Variants in KCNK10 observed in about 807,000 individuals in gnomAD.
The protein encoded by KCNK10 is potassium channel subfamily K member 10.
KCNK10 carries 25 observed loss-of-function variants against 47.7 expected under a neutral mutation model. That is an observed-to-expected ratio of 0.52 (90% confidence interval 0.38 to 0.73). The LOEUF is 0.73. Among genes scored for constraint, KCNK10 ranks in the 30% least tolerant of loss-of-function variants. The pLI is 0.00. For missense variants in KCNK10, 563 were observed against 714.5 expected (o/e 0.79, Z 2.42); for synonymous variants, 303 against 285.6 (o/e 1.06, Z -0.61).
chr14:88,185,467 A>G lies in KCNK10; in HGVS notation c.*68T>C, dbSNP rs1884511024. On this transcript the variant is annotated 3_prime_UTR_variant, in exon 7 of 7. Coordinates refer to ENST00000319231, the MANE Select transcript of KCNK10 (RefSeq NM_138317.3). The surrounding 1 kb of genome is among the most constrained non-coding windows in gnomAD (Gnocchi z 4.3). Reference sequence around the variant, plus strand: ...AAAGTCTGTTTAAGGCACATGTCTCAGTGTGAATATTAAAAACACACACAC... The same window carrying G: ...AAAGTCTGTTTAAGGCACATGTCTCGGTGTGAATATTAAAAACACACACAC... The G allele has an allele frequency of 6.5e-7, 1 of 1,528,266 alleles. No individual in the cohort carries two copies. 94.7% of individuals were successfully genotyped at this position (1,528,266 alleles called of 1,614,324 possible).
Position 88,276,940 on chromosome 14 carries a change from G to A in KCNK10, c.53-13389C>T, listed in dbSNP as rs78262386. The stretch of plus-strand genomic sequence containing the variant: ...AGAAATCCTACTCTGCAAGATAGAC[G>A]TGTACTTTACAAAAGGATTTTCCAT... On this transcript the variant is annotated intron_variant, in intron 1 of 6. Coordinates refer to ENST00000319231, the MANE Select transcript of KCNK10 (RefSeq NM_138317.3). Among the ~76,000 whole-genome samples, 19 of 152,354 alleles carry A rather than the reference G, an allele frequency of 1.2e-4. No homozygotes were observed. The East Asian group carries it at 2.1e-3, about 17-fold the overall frequency.
chr14:88,207,720 T>C (rs557541294), intron 4 of KCNK10, among the ~76,000 whole-genome samples: 1 of 152,194 alleles, frequency 6.6e-6, no homozygotes, highest in Non-Finnish European at 1.5e-5. Flanking sequence ...CCAGGCCATG[T>C]GCTAGCACCT....
At chr14:88,307,900 C>T (rs1888234852) in intron 1 of KCNK10, among the ~76,000 whole-genome samples, 1 of 152,204 alleles carries the variant, frequency 6.6e-6, no homozygotes, top group Non-Finnish European at 1.5e-5. Context: ...CTGTGCTCTG[C>T]TCTTCGTGTG....
intron 4 of KCNK10, among the ~76,000 whole-genome samples, chr14:88,210,091 G>A (rs1566686478): frequency 6.6e-6 from 1 of 152,168 alleles, no homozygotes; most frequent in Non-Finnish European, 1.5e-5. Flanking sequence ...GAGGCTATGT[G>A]GCAGACACTG....
chr14:88,256,072 CG>C (rs1566704411), intron 2 of KCNK10, among the ~76,000 whole-genome samples: 3 of 152,156 alleles, frequency 2.0e-5, no homozygotes, highest in Non-Finnish European at 4.4e-5. Context: ...ATTCTAGAGA[CG>C]GATGCATCTT....
chr14:88,295,454 GT>G (rs1285574383), intron 1 of KCNK10, among the ~76,000 whole-genome samples: 1 of 152,156 alleles, frequency 6.6e-6, no homozygotes, highest in Non-Finnish European at 1.5e-5. Flanking sequence ...GAGGTCAGGA[GT>G]TTGAGACCAG....
chr14:88,198,057 A>G (rs750620942), intron 4 of KCNK10, among the ~76,000 whole-genome samples: 15 of 152,206 alleles, frequency 9.9e-5, no homozygotes, highest in Non-Finnish European at 2.1e-4. Context: ...TAGGTGACCA[A>G]ATATATCACC....
At chr14:88,311,577 T>G (rs567614878) in intron 1 of KCNK10, among the ~76,000 whole-genome samples, 1 of 152,340 alleles carries the variant, frequency 6.6e-6, no homozygotes, top group South Asian at 2.1e-4. Context: ...GGAGTGTTAC[T>G]GGAAACTTTG....
upstream of KCNK10, chr14:88,326,310 T>G: frequency 1.2e-6 from 1 of 847,972 alleles, no homozygotes; most frequent in Non-Finnish European, 2.0e-6. Context: ...GGAGTGGGGA[T>G]GGAGGGAGAC....
chr14:88,217,543 A>AT (rs1464037765), intron 4 of KCNK10, among the ~76,000 whole-genome samples: 1 of 152,008 alleles, frequency 6.6e-6, no homozygotes, highest in South Asian at 2.1e-4. Context: ...AATAATTTTT[A>AT]TTTTTTTATT....
At chr14:88,306,341 T>G (rs2139794901) in intron 1 of KCNK10, among the ~76,000 whole-genome samples, 1 of 152,344 alleles carries the variant, frequency 6.6e-6, no homozygotes, top group South Asian at 2.1e-4. Flanking sequence ...GGTGTTTATA[T>G]AGGTTATTTT....
rs566631095 is a variant in KCNK10, at chr14:88,204,094, A to G, written c.682-11684T>C. Among the ~76,000 whole-genome samples, 19 of 152,302 alleles carry G rather than the reference A, an allele frequency of 1.2e-4. No individual in the cohort carries two copies. The South Asian group carries it at 3.7e-3, about 30-fold the overall frequency. ...CTCCCCTGCATTTTCCAAGGCCTCT[A>G]CAGTGACCATGTATACTCTTTGTAG... On this transcript the variant is annotated intron_variant, in intron 4 of 6. Transcript: ENST00000319231.
At chr14:88,268,636 A>C (rs1286388434) in intron 1 of KCNK10, among the ~76,000 whole-genome samples, 1 of 152,214 alleles carries the variant, frequency 6.6e-6, no homozygotes, top group Non-Finnish European at 1.5e-5. Context: ...ATAGGCATTA[A>C]AAATATTTTC....
At chr14:88,193,965 G>C (rs1429648137) in intron 4 of KCNK10, among the ~76,000 whole-genome samples, 1 of 152,110 alleles carries the variant, frequency 6.6e-6, no homozygotes, top group Non-Finnish European at 1.5e-5. Context: ...ATGGTCACCG[G>C]GTGATCTGTC....
At chr14:88,233,631 TG>T (rs1886214291) in intron 3 of KCNK10, among the ~76,000 whole-genome samples, 1 of 152,176 alleles carries the variant, frequency 6.6e-6, no homozygotes, top group Non-Finnish European at 1.5e-5. Context: ...AAGATTCCGG[TG>T]TAAGCACACA....
chr14:88,193,495 G>C (rs1884815751), intron 4 of KCNK10, among the ~76,000 whole-genome samples: 1 of 152,088 alleles, frequency 6.6e-6, no homozygotes, highest in Admixed American at 6.5e-5. Flanking sequence ...GGAGGCCCTG[G>C]TATCATATAC....
chr14:88,321,175 C>A (rs1236394203), intron 1 of KCNK10, among the ~76,000 whole-genome samples: 4 of 152,168 alleles, frequency 2.6e-5, no homozygotes, highest in African/African-American at 7.2e-5. Flanking sequence ...TATACACATA[C>A]CTCTTCTGCC....
chr14:88,309,234 C>T (rs1453023261), intron 1 of KCNK10, among the ~76,000 whole-genome samples: 3 of 152,198 alleles, frequency 2.0e-5, no homozygotes, highest in South Asian at 2.1e-4. Flanking sequence ...ATCTCAGAAC[C>T]GATATGCTCC....
intron 1 of KCNK10, among the ~76,000 whole-genome samples, chr14:88,268,662 A>C (rs1887333337): frequency 6.6e-6 from 1 of 152,184 alleles, no homozygotes; most frequent in Non-Finnish European, 1.5e-5. Flanking sequence ...TATGAGATTG[A>C]CTACTTCAGT....
Sources: allele counts gnomAD v4.1 joint callset (sites outside exome capture counted in the v4.1 genomes callset), GRCh38; gene constraint gnomAD v4.1.1; non-coding constraint Gnocchi (gnomAD v3.1); transcripts MANE v1.5; gene names NCBI Gene and HGNC (gene_info 2026-07-23, HGNC 2026-07-21).